KCNS3: variants seen among roughly 807,000 people sequenced by gnomAD.
KCNS3 encodes potassium voltage-gated channel modifier subfamily S member 3.
KCNS3 carries 13 observed loss-of-function variants against 31.0 expected under a neutral mutation model. The ratio of observed to expected loss-of-function variants is 0.42; its 90% CI spans 0.27 to 0.67. The LOEUF (loss-of-function observed/expected upper bound fraction) is 0.67. Among genes scored for constraint, KCNS3 ranks in the 30% least tolerant of loss-of-function variants. KCNS3 has a pLI of 0.25. For synonymous variants in KCNS3, 238 were observed against 241.5 expected, an observed-to-expected ratio of 0.99 and a Z score of 0.13; for missense variants, 545 against 622.4, an observed-to-expected ratio of 0.88 and a Z score of 1.32.
chr2:17,888,628 T>A (rs1411290684), intron 1 of KCNS3, among the ~76,000 whole-genome samples: 6 of 25,320 alleles, frequency 2.4e-4, no homozygotes, highest in Non-Finnish European at 4.7e-4. Flanking sequence ...ATAAAAAAAA[T>A]GTATATATAT....
At chr2:17,908,671 G>A (rs60628679) in intron 1 of KCNS3, among the ~76,000 whole-genome samples, 4,949 of 152,274 alleles carry the variant, frequency 0.033, 94 homozygotes, top group African/African-American at 0.045. Flanking sequence ...TTAGTTTTCC[G>A]TCTAGCAGTC....
At chr2:17,900,926 G>GTTTT (rs1345075247) in intron 1 of KCNS3, among the ~76,000 whole-genome samples, 2 of 152,138 alleles carry the variant, frequency 1.3e-5, no homozygotes, top group Non-Finnish European at 2.9e-5. Flanking sequence ...AGCACAGAGT[G>GTTTT]TTTTATTTGT....
intron 1 of KCNS3, among the ~76,000 whole-genome samples, chr2:17,900,866 A>G (rs1272285121): frequency 1.3e-5 from 2 of 152,230 alleles, no homozygotes; most frequent in East Asian, 3.8e-4. Context: ...AGGAATAATA[A>G]TAATAACAAT....
chr2:17,925,263 A>C (rs781685663), intron 2 of KCNS3, among the ~76,000 whole-genome samples: 18 of 152,208 alleles, frequency 1.2e-4, no homozygotes, highest in Non-Finnish European at 2.6e-4. Context: ...ACCAGCGTCA[A>C]CATCAACATG....
intron 1 of KCNS3, among the ~76,000 whole-genome samples, chr2:17,914,073 T>A (rs1172361249): frequency 6.6e-6 from 1 of 152,102 alleles, no homozygotes; most frequent in Non-Finnish European, 1.5e-5. Flanking sequence ...ACAGGTTGGG[T>A]CGGAGTCAGC....
intron 1 of KCNS3, among the ~76,000 whole-genome samples, chr2:17,910,638 T>C (rs1331935046): frequency 3.3e-5 from 5 of 152,118 alleles, no homozygotes; most frequent in African/African-American, 4.8e-5. Flanking sequence ...TCTACTTTTT[T>C]TTTTTTTAAA....
chr2:17,894,743 G>A (rs1661981216), intron 1 of KCNS3, among the ~76,000 whole-genome samples: 1 of 152,230 alleles, frequency 6.6e-6, no homozygotes, highest in African/African-American at 2.4e-5. Flanking sequence ...CAGAGATGGT[G>A]CCTACAGCCA....
chr2:17,899,987 A>G (rs1374758682), intron 1 of KCNS3, among the ~76,000 whole-genome samples: 1 of 152,194 alleles, frequency 6.6e-6, no homozygotes. Flanking sequence ...CTACAGAAGC[A>G]AAGAGTACGA....
At chr2:17,888,994 T>C (rs1357685152) in intron 1 of KCNS3, among the ~76,000 whole-genome samples, 1 of 152,112 alleles carries the variant, frequency 6.6e-6, no homozygotes, top group East Asian at 1.9e-4. Flanking sequence ...GGGGATTGCA[T>C]TGAATTTGTA....
chr2:17,917,578 G>C (rs572052542), intron 1 of KCNS3, 102 bp from the exon 2 acceptor site: 1 of 152,250 alleles, frequency 6.6e-6, no homozygotes, highest in Non-Finnish European at 1.5e-5. Context: ...TTTCAGATTT[G>C]AGTCTCATCA....
At chr2:17,922,214 A>G (rs1253705459) in intron 2 of KCNS3, among the ~76,000 whole-genome samples, 1 of 151,640 alleles carries the variant, frequency 6.6e-6, no homozygotes. Context: ...TGTAACTCTG[A>G]TCTCTGTTAT....
chr2:17,923,868 A>T (rs1484221423), intron 2 of KCNS3, among the ~76,000 whole-genome samples: 1 of 151,898 alleles, frequency 6.6e-6, no homozygotes, highest in Non-Finnish European at 1.5e-5. Flanking sequence ...GAAGTTTTAG[A>T]ATTTTGGAAT....
At chr2:17,917,003 AT>A (rs527637472) in intron 1 of KCNS3, among the ~76,000 whole-genome samples, 118 of 151,908 alleles carry the variant, frequency 7.8e-4, no homozygotes, top group Non-Finnish European at 1.3e-3. Flanking sequence ...TGGAAACTGG[AT>A]TTTTTTTGCC....
chr2:17,917,979 G>GA (rs1321542368), intron 2 of KCNS3, 108 bp downstream of exon 2: 2 of 152,808 alleles, frequency 1.3e-5, no homozygotes, highest in African/African-American at 4.8e-5. Context: ...AGACACTTCT[G>GA]ATGGTCAAAT....
At chr2:17,901,414 C>T (rs537021257) in intron 1 of KCNS3, among the ~76,000 whole-genome samples, 8 of 152,100 alleles carry the variant, frequency 5.3e-5, no homozygotes, top group South Asian at 2.1e-4. Context: ...GCCTCCGTGG[C>T]GAGGGAAAAG....
At chr2:17,918,637 A>T (rs1662643952) in intron 2 of KCNS3, among the ~76,000 whole-genome samples, 1 of 152,236 alleles carries the variant, frequency 6.6e-6, no homozygotes, top group African/African-American at 2.4e-5. Context: ...AAAAGCAAGT[A>T]TCTTTTACTA....
In KCNS3 at chr2:17,932,698, C is replaced by T. The variant is rs1663031227; in HGVS notation, c.*214C>T. 1.9e-6 allele frequency: 1 copy of T among 528,184 alleles called. No homozygotes were observed. Among genetic ancestry groups the T allele is most frequent in the Non-Finnish European group, 3.4e-6 (1 of 298,196 alleles). The allele number at this position is 528,184 out of a possible 1,614,324, so 32.7% of individuals were successfully genotyped here. On this transcript the variant is annotated 3_prime_UTR_variant, in exon 3 of 3. Transcript: ENST00000304101. ...GCCTTGTTCTGAAATTTATTTTTTA[C>T]AAGAGAGAGTTGTGATATAGTTTGG...
In KCNS3 at chr2:17,931,560, T is replaced by C. The variant is rs1452857838; in HGVS notation, c.552T>C (p.Ala184=). The C allele has an allele frequency of 6.2e-7, 1 of 1,614,216 alleles. No homozygotes were observed. The highest frequency in any genetic ancestry group is 1.1e-5 in the South Asian group (1 of 91,076). ...RMENPAYCLS[A]KLIAISSLSV... Reference sequence around the variant, plus strand: ...AGAATCCAGCGTACTGCCTGTCCGCTAAGCTTATCGCTATCTCCTCCTTGA... The same window carrying C: ...AGAATCCAGCGTACTGCCTGTCCGCCAAGCTTATCGCTATCTCCTCCTTGA... The change falls in exon 3 of 3, where the codon GCT becomes GCC. Residue 184 remains alanine (A), a synonymous_variant. Coordinates refer to ENST00000304101, the MANE Select transcript of KCNS3 (RefSeq NM_002252.5). This position sits in a 1 kb window ranked among gnomAD's most constrained non-coding sequence, Gnocchi z 5.4.
At chr2:17,913,917 A>G (rs551724427) in intron 1 of KCNS3, among the ~76,000 whole-genome samples, 1 of 152,304 alleles carries the variant, frequency 6.6e-6, no homozygotes, top group African/African-American at 2.4e-5. Flanking sequence ...CAGCCTCCAC[A>G]AGAAAGAATT....
Sources: gnomAD v4.1 joint callset for allele counts (sites outside exome capture counted in the v4.1 genomes callset) on GRCh38, gnomAD v4.1.1 for gene constraint, Gnocchi (gnomAD v3.1) non-coding constraint, MANE v1.5 for transcripts, NCBI Gene and HGNC (gene_info 2026-07-23, HGNC 2026-07-21) for gene names.